Variants in DLEU7 observed in about 807,000 individuals in gnomAD.
The protein encoded by DLEU7 is leukemia-associated protein 7.
A neutral mutation model predicts 16.0 loss-of-function variants in DLEU7; 17 were observed. The observed-to-expected ratio is 1.06, with a 90% CI of 0.73 to 1.59. The LOEUF (loss-of-function observed/expected upper bound fraction) is 1.59. Among genes scored for constraint, DLEU7 ranks in the 40% most tolerant of loss-of-function variants. DLEU7 has a pLI of 0.00. For missense variants in DLEU7, 308 were observed against 314.9 expected (o/e 0.98, Z 0.17); for synonymous variants, 113 against 139.8 (o/e 0.81, Z 1.35).
At chr13:50,735,438 C>G (rs751779360) in intron 1 of DLEU7, among the ~76,000 whole-genome samples, 17 of 151,940 alleles carry the variant, frequency 1.1e-4, no homozygotes, top group Non-Finnish European at 2.1e-4. Context: ...AAAATTGTAC[C>G]AAATTCACTC....
chr13:50,777,893 T>G (rs1353906466), intron 1 of DLEU7, among the ~76,000 whole-genome samples: 1 of 152,168 alleles, frequency 6.6e-6, no homozygotes, highest in African/African-American at 2.4e-5. Flanking sequence ...AACTTTATAT[T>G]TCATTAGGAG....
chr13:50,784,790 G>A (rs1486716287), intron 1 of DLEU7, among the ~76,000 whole-genome samples: 1 of 152,210 alleles, frequency 6.6e-6, no homozygotes, highest in African/African-American at 2.4e-5. Flanking sequence ...TGTGTGAACA[G>A]TTAAGTGCTT....
At chr13:50,784,800 TTA>T (rs1214261369) in intron 1 of DLEU7, among the ~76,000 whole-genome samples, 1 of 152,202 alleles carries the variant, frequency 6.6e-6, no homozygotes, top group Non-Finnish European at 1.5e-5. Flanking sequence ...GTTAAGTGCT[TTA>T]TAAAAGTAAG....
chr13:50,822,695 G>A (rs1876951587), downstream of DLEU7: 2 of 985,192 alleles, frequency 2.0e-6, no homozygotes, highest in South Asian at 4.7e-5. Flanking sequence ...GTACTTCATA[G>A]CTCACTATCA....
chr13:50,728,091 T>C (rs1873815083), intron 1 of DLEU7, among the ~76,000 whole-genome samples: 1 of 152,222 alleles, frequency 6.6e-6, no homozygotes, highest in East Asian at 1.9e-4. Flanking sequence ...TGTTCATACC[T>C]GGCAGGGTCA....
intron 1 of DLEU7, among the ~76,000 whole-genome samples, chr13:50,746,137 G>A (rs1874387091): frequency 6.6e-6 from 1 of 152,146 alleles, no homozygotes; most frequent in Non-Finnish European, 1.5e-5. Context: ...GTCTTTAGCA[G>A]AATCAAGCTC....
At chr13:50,836,877 C>T (rs2137815003) in intron 1 of DLEU7, among the ~76,000 whole-genome samples, 1 of 152,258 alleles carries the variant, frequency 6.6e-6, no homozygotes, top group Middle Eastern at 3.4e-3. Flanking sequence ...TGGATGTCTA[C>T]ATAAAAGGGG....
chr13:50,817,812 A>G (rs1338626261), intron 1 of DLEU7, among the ~76,000 whole-genome samples: 6 of 152,082 alleles, frequency 3.9e-5, no homozygotes, highest in Non-Finnish European at 7.4e-5. Flanking sequence ...CAATCAGTGT[A>G]AGGCAGGCAG....
At chr13:50,729,869 C>CT (rs781652440) in intron 1 of DLEU7, among the ~76,000 whole-genome samples, 2 of 152,070 alleles carry the variant, frequency 1.3e-5, no homozygotes, top group African/African-American at 2.4e-5. Context: ...CCTGTGCCCA[C>CT]TTTTTAATGG....
chr13:50,716,975 G>T (rs547818758), intron 1 of DLEU7, among the ~76,000 whole-genome samples: 1 of 152,028 alleles, frequency 6.6e-6, no homozygotes, highest in Non-Finnish European at 1.5e-5. Context: ...TACACATGAC[G>T]CATTTAATTT....
chr13:50,757,077 T>C (rs551240695), intron 1 of DLEU7, among the ~76,000 whole-genome samples: 2 of 152,338 alleles, frequency 1.3e-5, no homozygotes, highest in Admixed American at 1.3e-4. Context: ...TTACAGTGTC[T>C]TCCAGGTCCT....
intron 1 of DLEU7, among the ~76,000 whole-genome samples, chr13:50,766,527 A>G (rs1237619674): frequency 6.6e-6 from 1 of 150,698 alleles, no homozygotes; most frequent in East Asian, 2.0e-4. Flanking sequence ...CTTCCACACC[A>G]CTTACCAAAC....
At chr13:50,837,736 C>T (rs1028556749) in intron 1 of DLEU7, among the ~76,000 whole-genome samples, 11 of 152,014 alleles carry the variant, frequency 7.2e-5, no homozygotes, top group African/African-American at 2.2e-4. Flanking sequence ...GTGCTTTTTT[C>T]GCCAATAGGA....
intron 1 of DLEU7, among the ~76,000 whole-genome samples, chr13:50,753,109 G>A (rs1429574528): frequency 1.0e-5 from 1 of 97,134 alleles, no homozygotes; most frequent in Non-Finnish European, 1.9e-5. Flanking sequence ...CAAACCCTGA[G>A]CTAGACAGAG....
chr13:50,725,349 C>T (rs1163373743), intron 1 of DLEU7, among the ~76,000 whole-genome samples: 1 of 152,162 alleles, frequency 6.6e-6, no homozygotes, highest in Non-Finnish European at 1.5e-5. Context: ...GTGATGTGCA[C>T]TTGTGCACCA....
intron 1 of DLEU7, among the ~76,000 whole-genome samples, chr13:50,715,823 C>G (rs142408443): frequency 4.8e-4 from 73 of 152,356 alleles, no homozygotes; most frequent in African/African-American, 1.6e-3. Flanking sequence ...CCTTTCCTCC[C>G]TACTGCTGTT....
chr13:50,830,938 A>T (rs146168948), intron 1 of DLEU7, among the ~76,000 whole-genome samples: 1 of 152,092 alleles, frequency 6.6e-6, no homozygotes, highest in Non-Finnish European at 1.5e-5. Context: ...CCTATGGAAC[A>T]CTCAGTTTTC....
At chr13:50,787,673 T>G (rs1875824802) in intron 1 of DLEU7, among the ~76,000 whole-genome samples, 1 of 152,048 alleles carries the variant, frequency 6.6e-6, no homozygotes, top group Non-Finnish European at 1.5e-5. Context: ...CCAGACCTAC[T>G]GCCTAAAACA....
chr13:50,788,679 A>G (rs1303860571), intron 1 of DLEU7, among the ~76,000 whole-genome samples: 1 of 152,196 alleles, frequency 6.6e-6, no homozygotes, highest in Non-Finnish European at 1.5e-5. Context: ...ATTTCCTGAG[A>G]GGAAAATAGC....
Sources: allele counts gnomAD v4.1 joint callset (sites outside exome capture counted in the v4.1 genomes callset), GRCh38; gene constraint gnomAD v4.1.1; transcripts MANE v1.5; gene names NCBI Gene and HGNC (gene_info 2026-07-23, HGNC 2026-07-21).